The following FSTL5 variants were observed in gnomAD, a reference collection of about 807,000 sequenced individuals.
FSTL5 encodes follistatin-related protein 5.
A neutral mutation model predicts 89.1 loss-of-function variants in FSTL5; 62 were observed. That is an observed-to-expected ratio of 0.70 (90% CI 0.57 to 0.86). The LOEUF is 0.86. FSTL5 is among the 40% of genes least tolerant of loss of function. The pLI, the probability that FSTL5 is intolerant of heterozygous loss-of-function variation, is 0.00. For synonymous variants in FSTL5, 383 were observed against 346.2 expected, an observed-to-expected ratio of 1.11 and a Z score of -1.18; for missense variants, 1,057 against 1,001.6, an observed-to-expected ratio of 1.06 and a Z score of -0.75.
chr4:162,032,977 C>T (rs536337662), intron 3 of FSTL5, among the ~76,000 whole-genome samples: 35 of 152,058 alleles, frequency 2.3e-4, no homozygotes, highest in Admixed American at 7.9e-4. Flanking sequence ...AATGGAGATG[C>T]CAGAGGGATC....
chr4:161,975,331 T>C (rs1330587347), intron 3 of FSTL5, among the ~76,000 whole-genome samples: 2 of 152,000 alleles, frequency 1.3e-5, no homozygotes, highest in Non-Finnish European at 2.9e-5. Flanking sequence ...TTATTCACAA[T>C]AGTAAAGACT....
chr4:161,769,755 ACAAGGATGCTCACTTT>A (rs1392316334), intron 5 of FSTL5, among the ~76,000 whole-genome samples: 3 of 152,082 alleles, frequency 2.0e-5, no homozygotes, highest in Non-Finnish European at 1.5e-5. Flanking sequence ...CTAGAACATG[ACAAGGATGCTCACTTT>A]CAACACTGCT....
chr4:161,878,329 AAT>A (rs1362562582), intron 4 of FSTL5, among the ~76,000 whole-genome samples: 1 of 152,148 alleles, frequency 6.6e-6, no homozygotes, highest in Non-Finnish European at 1.5e-5. Context: ...AATAATAATG[AAT>A]ATGCATATGT....
chr4:161,551,428 GTTGT>G (rs1403784971), intron 8 of FSTL5, among the ~76,000 whole-genome samples: 5 of 151,524 alleles, frequency 3.3e-5, no homozygotes, highest in Admixed American at 6.6e-5. Context: ...TTTTGATGGG[GTTGT>G]TTGTTTTTTT....
chr4:161,649,839 T>G (rs1736276201), intron 7 of FSTL5, among the ~76,000 whole-genome samples: 1 of 152,198 alleles, frequency 6.6e-6, no homozygotes, highest in East Asian at 1.9e-4. Context: ...ATAAGTGTCA[T>G]TTATCTTTCA....
chr4:162,037,042 A>G (rs2128827), intron 2 of FSTL5, among the ~76,000 whole-genome samples: 7,502 of 151,858 alleles, frequency 0.049, 506 homozygotes, highest in African/African-American at 0.15. Context: ...TATTTTGTTT[A>G]GTTTTGTAAT....
intron 6 of FSTL5, among the ~76,000 whole-genome samples, chr4:161,686,323 TATATATATATATATATATATA>T (rs1195284338): frequency 4.9e-4 from 3 of 6,136 alleles, no homozygotes; most frequent in Non-Finnish European, 8.8e-4. Flanking sequence ...TATATATATA[TATATATATATATATATATATA>T]TATTTTTTTT....
chr4:161,575,468 T>G (rs1231157458), intron 8 of FSTL5, among the ~76,000 whole-genome samples: 1 of 152,084 alleles, frequency 6.6e-6, no homozygotes, highest in Non-Finnish European at 1.5e-5. Flanking sequence ...TTTCTTTTTT[T>G]TTGTGAGACA....
intron 3 of FSTL5, among the ~76,000 whole-genome samples, chr4:162,016,628 T>C (rs993104177): frequency 2.0e-5 from 3 of 152,198 alleles, no homozygotes; most frequent in Non-Finnish European, 4.4e-5. Flanking sequence ...AGTCTTCTTA[T>C]TAAATTTCTC....
chr4:161,868,484 G>A (rs1028945999), intron 4 of FSTL5, among the ~76,000 whole-genome samples: 2 of 152,166 alleles, frequency 1.3e-5, no homozygotes, highest in Admixed American at 6.5e-5. Flanking sequence ...TTGCCCGAAC[G>A]ACCTCATCTC....
rs551691045 is a variant in FSTL5, at chr4:161,462,383, G to C, written c.1609-3064C>G. ...ATTGGAGGTTAACAAGAAAACCAAC[G>C]GGCTCAAATACATGCCGTCATCTCT... On this transcript the variant is annotated intron_variant, in intron 13 of 15. Coordinates refer to ENST00000306100, the MANE Select transcript of FSTL5 (RefSeq NM_020116.5). 2.0e-5 allele frequency among the ~76,000 whole-genome samples: 3 copies of C among 152,154 alleles called. No homozygotes were observed. The South Asian group carries it at 6.2e-4, about 32-fold the overall frequency.
At chr4:161,561,683 C>T (rs2126571643) in intron 8 of FSTL5, among the ~76,000 whole-genome samples, 1 of 152,038 alleles carries the variant, frequency 6.6e-6, no homozygotes, top group East Asian at 1.9e-4. Context: ...AGTATGTTTT[C>T]ATTAGTGTGA....
chr4:162,149,734 T>C (rs757553434), intron 1 of FSTL5, among the ~76,000 whole-genome samples: 12 of 152,122 alleles, frequency 7.9e-5, no homozygotes, highest in Non-Finnish European at 1.3e-4. Context: ...TGTATATATG[T>C]ATATATATAA....
intron 2 of FSTL5, among the ~76,000 whole-genome samples, chr4:162,055,023 T>C (rs1208789352): frequency 6.6e-6 from 1 of 151,934 alleles, no homozygotes; most frequent in East Asian, 1.9e-4. Context: ...TCCAGTTACT[T>C]GATAACTAGT....
At chr4:161,410,960 A>AC (rs1560881274) in intron 15 of FSTL5, among the ~76,000 whole-genome samples, 2 of 118,400 alleles carry the variant, frequency 1.7e-5, no homozygotes, top group Non-Finnish European at 3.8e-5. Context: ...TCAAAAAAAA[A>AC]AAAATAAGAT....
intron 7 of FSTL5, among the ~76,000 whole-genome samples, chr4:161,619,324 G>T (rs1269413975): frequency 1.1e-4 from 16 of 152,234 alleles, no homozygotes; most frequent in South Asian, 6.2e-4. Context: ...GGCAACAAAA[G>T]ACAAAATTGA....
At chr4:161,721,195 G>A (rs919169666) in intron 6 of FSTL5, among the ~76,000 whole-genome samples, 4 of 145,750 alleles carry the variant, frequency 2.7e-5, no homozygotes, top group African/African-American at 7.4e-5. Flanking sequence ...GGAGAATGGC[G>A]TGAACCCGGG....
chr4:161,899,139 T>C (rs1733269276), intron 4 of FSTL5, among the ~76,000 whole-genome samples: 1 of 152,148 alleles, frequency 6.6e-6, no homozygotes, highest in African/African-American at 2.4e-5. Flanking sequence ...ATGGACATGC[T>C]ACCCAGCTGT....
intron 4 of FSTL5, among the ~76,000 whole-genome samples, chr4:161,823,533 C>A (rs1164670819): frequency 6.6e-6 from 1 of 152,182 alleles, no homozygotes; most frequent in South Asian, 2.1e-4. Context: ...TGGGGAGACA[C>A]CAGATCTTGG....
Sources: allele counts gnomAD v4.1 joint callset (sites outside exome capture counted in the v4.1 genomes callset), GRCh38; gene constraint gnomAD v4.1.1; transcripts MANE v1.5; gene names NCBI Gene and HGNC (gene_info 2026-07-23, HGNC 2026-07-21).